RYR3: variants seen among roughly 807,000 people sequenced by gnomAD.
The protein encoded by RYR3 is brain ryanodine receptor-calcium release channel.
RYR3 carries 207 observed loss-of-function variants against 584.3 expected under a neutral mutation model. The ratio of observed to expected loss-of-function variants is 0.35; its 90% confidence interval spans 0.32 to 0.40. The LOEUF is 0.40. Among genes scored for constraint, RYR3 ranks in the 10% least tolerant of loss-of-function variants. The pLI, the probability that RYR3 is intolerant of heterozygous loss-of-function variation, is 1.00. For missense variants in RYR3, 5,616 were observed against 6,089.2 expected (o/e 0.92, Z 2.59); for synonymous variants, 2,416 against 2,248.5 (o/e 1.07, Z -2.11).
intron 1 of RYR3, among the ~76,000 whole-genome samples, chr15:33,424,343 G>T (rs1424396977): frequency 6.6e-6 from 1 of 152,204 alleles, no homozygotes; most frequent in Non-Finnish European, 1.5e-5. Flanking sequence ...ATAGACAAAT[G>T]GGGTTAGTTG....
intron 18 of RYR3, among the ~76,000 whole-genome samples, 179 bp downstream of exon 18, chr15:33,603,543 C>T (rs1014860146): frequency 6.6e-6 from 1 of 152,188 alleles, no homozygotes; most frequent in Non-Finnish European, 1.5e-5. Context: ...TACCATTACT[C>T]AGACAGTTCC....
intron 1 of RYR3, among the ~76,000 whole-genome samples, chr15:33,425,637 ATT>A (rs68182512): frequency 2.5e-5 from 3 of 121,780 alleles, no homozygotes. Flanking sequence ...GAGACTCACA[ATT>A]TTTTTTTTTT....
chr15:33,594,012 G>T (rs1193154143), intron 16 of RYR3, among the ~76,000 whole-genome samples: 2 of 152,184 alleles, frequency 1.3e-5, no homozygotes, highest in African/African-American at 4.8e-5. Flanking sequence ...GCCCAGCCAT[G>T]AATTTGTACC....
At chr15:33,586,871 G>A (rs952337263) in intron 16 of RYR3, among the ~76,000 whole-genome samples, 5 of 152,030 alleles carry the variant, frequency 3.3e-5, no homozygotes, top group Non-Finnish European at 7.4e-5. Context: ...GGGGACTATC[G>A]TGCTAATTAG....
chr15:33,617,711 A>C (rs1369790708), intron 19 of RYR3, among the ~76,000 whole-genome samples: 1 of 152,078 alleles, frequency 6.6e-6, no homozygotes, highest in Admixed American at 6.5e-5. Context: ...TTTTATACTT[A>C]CAAACTATGT....
chr15:33,448,404 A>G (rs991768558), intron 1 of RYR3, among the ~76,000 whole-genome samples: 1 of 152,244 alleles, frequency 6.6e-6, no homozygotes, highest in Non-Finnish European at 1.5e-5. Context: ...AGGGTGAAGG[A>G]GGCCAGTCAT....
chr15:33,522,893 T>G lies in RYR3; in HGVS notation c.280-7699T>G, dbSNP rs539864860. On this transcript the variant is annotated intron_variant, in intron 3 of 103. Coordinates refer to ENST00000634891, the MANE Select transcript of RYR3 (RefSeq NM_001036.6). ...AGTCTACTACCACAAAATCCTTCAT[T>G]AACTATTAATATCATTAAAGAAGAA... Among the ~76,000 whole-genome samples, 7 of 152,264 alleles carry G rather than the reference T, an allele frequency of 4.6e-5. No individual in the cohort carries two copies. The South Asian group carries it at 1.5e-3, about 32-fold the overall frequency.
intron 35 of RYR3, among the ~76,000 whole-genome samples, chr15:33,663,234 C>T (rs1171829364): frequency 6.6e-6 from 1 of 152,200 alleles, no homozygotes; most frequent in Non-Finnish European, 1.5e-5. Context: ...AGGACTGGAA[C>T]ATTTCAGAAA....
chr15:33,706,358 T>C (rs1222323111), intron 42 of RYR3, among the ~76,000 whole-genome samples: 1 of 152,206 alleles, frequency 6.6e-6, no homozygotes, highest in Admixed American at 6.5e-5. Context: ...AAACTGAAAT[T>C]CTAGACCCAC....
intron 1 of RYR3, among the ~76,000 whole-genome samples, chr15:33,470,081 G>C (rs2048810437): frequency 6.6e-6 from 1 of 152,094 alleles, no homozygotes; most frequent in South Asian, 2.1e-4. Context: ...AGACATTTTG[G>C]CTTACTTGGT....
chr15:33,665,283 ATC>A (rs1304052187), intron 36 of RYR3, among the ~76,000 whole-genome samples: 1 of 152,078 alleles, frequency 6.6e-6, no homozygotes, highest in African/African-American at 2.4e-5. Context: ...ACCTTTCTGT[ATC>A]TGTTTCTTTA....
In RYR3 at chr15:33,736,286, T is replaced by C; in HGVS notation, c.7476T>C (p.Asp2492=). The C allele has an allele frequency of 6.2e-7, 1 of 1,613,346 alleles. No homozygotes were observed. Among genetic ancestry groups the C allele is most frequent in the Non-Finnish European group, 8.5e-7 (1 of 1,179,690 alleles). The part of the protein sequence containing the change: ...LQQLLRRLVF[D]VPQLNEYCKM... ...AACTCCTGCGACGCCTCGTTTTTGA[T>C]GTGCCGCAACTCAATGAATACTGCA... is the stretch of plus-strand genomic sequence containing the variant. Residue 2492 remains aspartate, a synonymous_variant, in exon 49 of 104, where the codon GAT becomes GAC. Transcript: ENST00000634891.
At chr15:33,766,837 T>C (rs893042489) in intron 60 of RYR3, among the ~76,000 whole-genome samples, 2 of 152,216 alleles carry the variant, frequency 1.3e-5, no homozygotes, top group Non-Finnish European at 2.9e-5. Context: ...CTTTCATTTA[T>C]TGTCTTCAAA....
intron 1 of RYR3, among the ~76,000 whole-genome samples, chr15:33,360,550 C>A (rs1974619856): frequency 6.6e-6 from 1 of 152,178 alleles, no homozygotes; most frequent in Non-Finnish European, 1.5e-5. Context: ...TGATTCTGGT[C>A]TTTGGATGTG....
At chr15:33,425,681 G>C (rs546454762) in intron 1 of RYR3, among the ~76,000 whole-genome samples, 2 of 138,840 alleles carry the variant, frequency 1.4e-5, no homozygotes, top group African/African-American at 5.7e-5. Flanking sequence ...TCGCTCTGTG[G>C]CCCAGGCTGG....
intron 57 of RYR3, among the ~76,000 whole-genome samples, chr15:33,752,548 T>C (rs1424587613): frequency 2.6e-5 from 4 of 152,162 alleles, no homozygotes; most frequent in African/African-American, 9.7e-5. Context: ...TATTGGTGTA[T>C]AGGAATGCTT....
intron 10 of RYR3, among the ~76,000 whole-genome samples, chr15:33,552,901 G>A (rs921902077): frequency 6.6e-6 from 1 of 152,128 alleles, no homozygotes; most frequent in Non-Finnish European, 1.5e-5. Flanking sequence ...CATTCTCTGT[G>A]CTTCCCCTCC....
chr15:33,721,607 G>A (rs2067918243), intron 43 of RYR3, among the ~76,000 whole-genome samples: 1 of 152,078 alleles, frequency 6.6e-6, no homozygotes, highest in Admixed American at 6.5e-5. Context: ...TGAGTATTGA[G>A]TTCAGGGATA....
At chr15:33,841,777 A>G (rs1037165184) in intron 90 of RYR3, 87 bp from the exon 91 acceptor site, 31 of 1,376,052 alleles carry the variant, frequency 2.3e-5, no homozygotes, top group Non-Finnish European at 2.7e-5. Flanking sequence ...GGCCCTCTCA[A>G]TCCAGATTTC....
Sources: gnomAD v4.1 joint callset for allele counts (sites outside exome capture counted in the v4.1 genomes callset) on GRCh38, gnomAD v4.1.1 for gene constraint, MANE v1.5 for transcripts, NCBI Gene and HGNC (gene_info 2026-07-23, HGNC 2026-07-21) for gene names.